Variants in METTL24 observed in about 807,000 individuals in gnomAD.
The protein encoded by METTL24 is methyltransferase like 24.
In METTL24, 29 loss-of-function variants were observed where a neutral mutation model predicts 32.7. The observed-to-expected ratio is 0.89, with a 90% confidence interval of 0.66 to 1.21. The LOEUF is 1.21. Among genes scored for constraint, METTL24 ranks in the 50% most tolerant of loss-of-function variants. METTL24 has a pLI of 0.00. For missense variants in METTL24, 439 were observed against 468.1 expected, an observed-to-expected ratio of 0.94 and a Z score of 0.57; for synonymous variants, 163 against 179.5, an observed-to-expected ratio of 0.91 and a Z score of 0.73.
chr6:110,275,859 G>A (rs562426167), intron 4 of METTL24, among the ~76,000 whole-genome samples: 1 of 152,284 alleles, frequency 6.6e-6, no homozygotes, highest in Admixed American at 6.5e-5. Flanking sequence ...CCTGCATGAG[G>A]AAATCATACC....
chr6:110,307,325 T>A (rs1039818692), intron 3 of METTL24, among the ~76,000 whole-genome samples: 5 of 152,258 alleles, frequency 3.3e-5, no homozygotes, highest in Non-Finnish European at 5.9e-5. Flanking sequence ...ACAACCATTA[T>A]TTATAGCAAA....
chr6:110,300,097 TGAG>T (rs2114732850), intron 3 of METTL24, among the ~76,000 whole-genome samples: 1 of 152,308 alleles, frequency 6.6e-6, no homozygotes, highest in African/African-American at 2.4e-5. Context: ...ATAAATACAG[TGAG>T]CCCTCCATAG....
At chr6:110,263,525 C>T (rs552581023) in intron 4 of METTL24, among the ~76,000 whole-genome samples, 8 of 152,230 alleles carry the variant, frequency 5.3e-5, no homozygotes, top group African/African-American at 9.6e-5. Flanking sequence ...TAATCAATAT[C>T]GTGAAAATGG....
At chr6:110,308,236 G>C (rs1273190220) in intron 3 of METTL24, among the ~76,000 whole-genome samples, 3 of 152,304 alleles carry the variant, frequency 2.0e-5, no homozygotes, top group East Asian at 3.9e-4. Flanking sequence ...GTATTCTTTG[G>C]ACAAGCTGCA....
intron 1 of METTL24, among the ~76,000 whole-genome samples, chr6:110,334,137 C>T (rs1772164905): frequency 6.6e-6 from 1 of 152,154 alleles, no homozygotes; most frequent in Non-Finnish European, 1.5e-5. Flanking sequence ...AACACCTGCA[C>T]AGCAATCTCC....
chr6:110,331,556 G>A (rs1471872261), intron 1 of METTL24, among the ~76,000 whole-genome samples: 1 of 151,312 alleles, frequency 6.6e-6, no homozygotes, highest in Non-Finnish European at 1.5e-5. Flanking sequence ...AGCTACTCTG[G>A]TGGCTGAGGT....
intron 1 of METTL24, among the ~76,000 whole-genome samples, chr6:110,353,927 T>C (rs1213252035): frequency 6.6e-6 from 1 of 152,108 alleles, no homozygotes; most frequent in Non-Finnish European, 1.5e-5. Context: ...AAGGTCTGTT[T>C]CATTTAAGAA....
chr6:110,323,611 C>A (rs1410801837), intron 1 of METTL24, among the ~76,000 whole-genome samples: 1 of 152,072 alleles, frequency 6.6e-6, no homozygotes, highest in Admixed American at 6.6e-5. Flanking sequence ...AATGGTAGCC[C>A]CTCCAGTAAA....
At chr6:110,260,068 C>G (rs1778463708) in intron 4 of METTL24, among the ~76,000 whole-genome samples, 1 of 152,184 alleles carries the variant, frequency 6.6e-6, no homozygotes, top group Admixed American at 6.5e-5. Flanking sequence ...CTCTCCTCCT[C>G]CAAAGGAACG....
intron 4 of METTL24, among the ~76,000 whole-genome samples, chr6:110,263,923 G>C (rs559535666): frequency 9.2e-5 from 14 of 152,316 alleles, no homozygotes; most frequent in Admixed American, 8.5e-4. Context: ...GCCATATGTA[G>C]AAAGTTGAAA....
At chr6:110,274,790 T>C (rs1256425499) in intron 4 of METTL24, among the ~76,000 whole-genome samples, 4 of 147,378 alleles carry the variant, frequency 2.7e-5, no homozygotes, top group Non-Finnish European at 6.0e-5. Context: ...TTTTTTTTCC[T>C]TTTCGTTCTT....
At chr6:110,319,955 C>A (rs756022528) in intron 2 of METTL24, among the ~76,000 whole-genome samples, 5 of 152,150 alleles carry the variant, frequency 3.3e-5, no homozygotes, top group Non-Finnish European at 7.4e-5. Context: ...TCTGTCTCCC[C>A]CCTGTTAGAG....
chr6:110,253,737 A>G (rs1778327627), intron 4 of METTL24: 5 of 565,036 alleles, frequency 8.8e-6, no homozygotes, highest in Non-Finnish European at 1.4e-5. Context: ...AACACACAAG[A>G]CAAATTCTAA....
chr6:110,327,558 G>A (rs1458087874), intron 1 of METTL24, among the ~76,000 whole-genome samples: 2 of 152,186 alleles, frequency 1.3e-5, no homozygotes, highest in South Asian at 2.1e-4. Flanking sequence ...TGCTTTGGTT[G>A]AGCTGTTTAA....
chr6:110,330,961 G>T (rs1038577143), intron 1 of METTL24, among the ~76,000 whole-genome samples: 11 of 152,206 alleles, frequency 7.2e-5, no homozygotes, highest in African/African-American at 2.7e-4. Flanking sequence ...GCCTGATACA[G>T]ATGTTGAAAT....
At chr6:110,250,756 A>G (rs1281089862) in intron 4 of METTL24, among the ~76,000 whole-genome samples, 1 of 152,186 alleles carries the variant, frequency 6.6e-6, no homozygotes, top group African/African-American at 2.4e-5. Flanking sequence ...CAAGTGCCAA[A>G]CCCAAGGCAG....
intron 4 of METTL24, among the ~76,000 whole-genome samples, chr6:110,295,322 A>C (rs532489684): frequency 6.6e-6 from 1 of 152,202 alleles, no homozygotes; most frequent in African/African-American, 2.4e-5. Flanking sequence ...CACACAACAA[A>C]ACTGATGTTC....
At chr6:110,325,781 T>TGC (rs1279560142) in intron 1 of METTL24, among the ~76,000 whole-genome samples, 2 of 152,140 alleles carry the variant, frequency 1.3e-5, no homozygotes, top group African/African-American at 2.4e-5. Context: ...AAGCAAAAGT[T>TGC]CTGCTAGCTG....
At chr6:110,337,662 C>T (rs1028682066) in intron 1 of METTL24, among the ~76,000 whole-genome samples, 17 of 152,162 alleles carry the variant, frequency 1.1e-4, no homozygotes, top group African/African-American at 4.1e-4. Flanking sequence ...AAGGAAATTC[C>T]AGTTACAAAA....
Sources: allele counts gnomAD v4.1 joint callset (sites outside exome capture counted in the v4.1 genomes callset), GRCh38; gene constraint gnomAD v4.1.1; transcripts MANE v1.5; gene names NCBI Gene and HGNC (gene_info 2026-07-23, HGNC 2026-07-21).